The following ZNF385D variants were observed in gnomAD, a reference collection of about 807,000 sequenced individuals.
The protein encoded by ZNF385D is zinc finger protein 659.
ZNF385D carries 15 observed loss-of-function variants against 35.8 expected under a neutral mutation model. The ratio of observed to expected loss-of-function variants is 0.42; its 90% CI spans 0.28 to 0.64. The LOEUF is 0.64. Among genes scored for constraint, ZNF385D ranks in the 30% least tolerant of loss-of-function variants. ZNF385D has a pLI of 0.23. For synonymous variants in ZNF385D, 212 were observed against 186.8 expected, an observed-to-expected ratio of 1.13 and a Z score of -1.10; for missense variants, 474 against 494.6, an observed-to-expected ratio of 0.96 and a Z score of 0.39.
Position 22,295,362 on chromosome 3 carries a change from G to A in ZNF385D, c.106+77088C>T, listed in dbSNP as rs116179414. ...AGGCTATACAGCTCTCACACATGAG[G>A]GAGAGAAACTGATGACAGTGCCACC... On this transcript the variant is annotated intron_variant, in intron 2 of 5. Coordinates refer to the ZNF385D transcript ENST00000494108. Among the ~76,000 whole-genome samples the A allele has an allele frequency of 6.2e-3, 937 of 152,236 alleles. 11 individuals are homozygous for A. The highest frequency in any genetic ancestry group is 0.022 in the African/African-American group (907 of 41,552).
intron 2 of ZNF385D, among the ~76,000 whole-genome samples, chr3:22,198,182 A>C (rs545621273): frequency 8.7e-6 from 1 of 115,334 alleles, no homozygotes; most frequent in South Asian, 2.8e-4. Flanking sequence ...GTCAAAATAA[A>C]CAAAGAATTT....
chr3:21,973,467 G>T (rs1056003697), intron 3 of ZNF385D, among the ~76,000 whole-genome samples: 5 of 151,952 alleles, frequency 3.3e-5, no homozygotes, highest in Admixed American at 1.3e-4. Context: ...GTATCATATT[G>T]AACAGGGAAA....
chr3:22,350,713 A>G (rs561398873), intron 2 of ZNF385D, among the ~76,000 whole-genome samples: 2 of 152,200 alleles, frequency 1.3e-5, no homozygotes, highest in African/African-American at 4.8e-5. Context: ...ACATGCGATT[A>G]TAACTTCCTT....
intron 4 of ZNF385D, among the ~76,000 whole-genome samples, chr3:21,499,821 A>AC (rs1214053455): frequency 6.6e-6 from 1 of 152,080 alleles, no homozygotes; most frequent in Non-Finnish European, 1.5e-5. Context: ...TGTTAAGGCT[A>AC]CCCCACAAAC....
At chr3:22,062,940 G>A (rs1197050719) in intron 3 of ZNF385D, among the ~76,000 whole-genome samples, 1 of 152,148 alleles carries the variant, frequency 6.6e-6, no homozygotes, top group Non-Finnish European at 1.5e-5. Context: ...CCTGGGTGAT[G>A]TCTCCACTAC....
Position 21,996,841 on chromosome 3 carries a change from T to C in ZNF385D, c.325+171976A>G, listed in dbSNP as rs187767401. On this transcript the variant is annotated intron_variant, in intron 3 of 5. Coordinates refer to the ZNF385D transcript ENST00000494108. ...ATTAGCACATTCATTCATATTTCTATTGGAAAAAGAGAAGCGATTAATTTA... is the reference window on the plus strand; with the variant it reads ...ATTAGCACATTCATTCATATTTCTACTGGAAAAAGAGAAGCGATTAATTTA... Among the ~76,000 whole-genome samples the C allele has an allele frequency of 8.2e-4, 125 of 152,314 alleles. 4 individuals are homozygous for C. The East Asian group carries it at 0.021, about 26-fold the overall frequency.
At chr3:22,268,711 C>T (rs1701021917) in intron 2 of ZNF385D, among the ~76,000 whole-genome samples, 1 of 151,986 alleles carries the variant, frequency 6.6e-6, no homozygotes, top group Admixed American at 6.6e-5. Context: ...TATCAAAAAG[C>T]TATTGAGAGG....
intron 3 of ZNF385D, among the ~76,000 whole-genome samples, chr3:21,876,952 C>G (rs568039287): frequency 6.6e-6 from 1 of 152,074 alleles, no homozygotes; most frequent in Non-Finnish European, 1.5e-5. Context: ...TCTTTCCACA[C>G]TTTTCCCATT....
At chr3:21,447,933 G>A (rs373828931) in intron 4 of ZNF385D, among the ~76,000 whole-genome samples, 39 of 152,228 alleles carry the variant, frequency 2.6e-4, no homozygotes, top group African/African-American at 8.4e-4. Context: ...AATAAAGGGT[G>A]CAATGATAAA....
Position 21,993,187 on chromosome 3 carries a change from G to A in ZNF385D, c.325+175630C>T, listed in dbSNP as rs183548139. Among the ~76,000 whole-genome samples, 1,498 of 152,228 alleles carry A rather than the reference G, an allele frequency of 9.8e-3. 11 individuals carry two copies. The highest frequency in any genetic ancestry group is 0.016 in the Non-Finnish European group (1,055 of 67,998). The stretch of plus-strand genomic sequence containing the variant: ...AAACAAAGCATGTGAATAATACTTT[G>A]ACATTCATATCTGTCTCTGTCGGCC... On this transcript the variant is annotated intron_variant, in intron 3 of 5. Coordinates refer to the ZNF385D transcript ENST00000494108.
chr3:22,368,296 A>G (rs1340309357), intron 2 of ZNF385D, among the ~76,000 whole-genome samples: 2 of 152,182 alleles, frequency 1.3e-5, no homozygotes, highest in African/African-American at 2.4e-5. Context: ...ACATATCCCA[A>G]TCTAGGCACA....
chr3:21,956,178 C>A (rs1051732392), intron 3 of ZNF385D, among the ~76,000 whole-genome samples: 1 of 150,860 alleles, frequency 6.6e-6, no homozygotes, highest in African/African-American at 2.4e-5. Flanking sequence ...GAGAGTGAGA[C>A]TATGTCTCAG....
chr3:21,630,523 T>A (rs965593542), intron 2 of ZNF385D, among the ~76,000 whole-genome samples: 2 of 152,000 alleles, frequency 1.3e-5, no homozygotes, highest in African/African-American at 2.4e-5. Flanking sequence ...CACCTTTATT[T>A]TCAAAATCGT....
At chr3:21,920,659 C>T (rs1700412947) in intron 3 of ZNF385D, among the ~76,000 whole-genome samples, 1 of 148,656 alleles carries the variant, frequency 6.7e-6, no homozygotes. Context: ...AAATTCTTTT[C>T]CTTCATGCTC....
chr3:22,370,930 C>T (rs112821280), intron 2 of ZNF385D, among the ~76,000 whole-genome samples: 2,632 of 152,332 alleles, frequency 0.017, 25 homozygotes, highest in Non-Finnish European at 0.027. Flanking sequence ...CTAACACAGA[C>T]AACTTCCAGC....
At chr3:21,990,806 C>G (rs1695105941) in intron 3 of ZNF385D, among the ~76,000 whole-genome samples, 1 of 152,146 alleles carries the variant, frequency 6.6e-6, no homozygotes. Context: ...AAATTCTGAA[C>G]TTCTTTAACT....
intron 2 of ZNF385D, among the ~76,000 whole-genome samples, chr3:22,188,452 C>T (rs904651590): frequency 9.3e-6 from 1 of 107,654 alleles, no homozygotes; most frequent in African/African-American, 4.9e-5. Context: ...CGTGTGTATA[C>T]TATTTTTTTT....
chr3:22,142,802 G>A (rs977768499), intron 3 of ZNF385D, among the ~76,000 whole-genome samples: 2 of 151,816 alleles, frequency 1.3e-5, no homozygotes, highest in Non-Finnish European at 2.9e-5. Context: ...CCAAGCCTAA[G>A]GACACAGCTT....
At chr3:22,029,020 T>C (rs932175069) in intron 3 of ZNF385D, among the ~76,000 whole-genome samples, 2 of 152,152 alleles carry the variant, frequency 1.3e-5, no homozygotes, top group Non-Finnish European at 2.9e-5. Flanking sequence ...CCATCATCCC[T>C]AGTGATCCAC....
Sources: allele counts gnomAD v4.1 joint callset (sites outside exome capture counted in the v4.1 genomes callset), GRCh38; gene constraint gnomAD v4.1.1; transcripts MANE v1.5; gene names NCBI Gene and HGNC (gene_info 2026-07-23, HGNC 2026-07-21).